RBM47: variants seen among roughly 807,000 people sequenced by gnomAD.
The protein encoded by RBM47 is RNA-binding protein 47.
A neutral mutation model predicts 47.1 loss-of-function variants in RBM47; 21 were observed. The ratio of observed to expected loss-of-function variants is 0.45; its 90% CI spans 0.32 to 0.64. RBM47 has a LOEUF of 0.64. RBM47 is among the 30% of genes least tolerant of loss of function. The pLI is 0.05. For missense variants in RBM47, 708 were observed against 870.9 expected, an observed-to-expected ratio of 0.81 and a Z score of 2.35; for synonymous variants, 375 against 361.7, an observed-to-expected ratio of 1.04 and a Z score of -0.42.
chr4:40,576,763 T>C (rs973322099), intron 1 of RBM47, among the ~76,000 whole-genome samples: 1 of 152,152 alleles, frequency 6.6e-6, no homozygotes, highest in Non-Finnish European at 1.5e-5. Context: ...CTGAGGGTTG[T>C]TTCACTTTCT....
rs374036308 is a variant in RBM47, at chr4:40,528,988, TA to T, written c.-155+15433del. Among the ~76,000 whole-genome samples the T allele has an allele frequency of 6.8e-4, 102 of 149,146 alleles. 2 individuals are homozygous for T. In the South Asian group the frequency reaches 0.021, roughly 31 times the overall value. On this transcript the variant is annotated intron_variant, in intron 2 of 6. Transcript: ENST00000295971. Reference sequence around the variant, plus strand: ...AATAAATAAATAAATAAATAAATAATAAAGAAAGAAATAATAAAACAGGGCC... The same window carrying T: ...AATAAATAAATAAATAAATAAATAATAAGAAAGAAATAATAAAACAGGGCC...
At chr4:40,505,495 A>ATT in intron 2 of RBM47, among the ~76,000 whole-genome samples, 1 of 136,238 alleles carries the variant, frequency 7.3e-6, no homozygotes, top group East Asian at 2.0e-4. Flanking sequence ...AAAAAAGTGT[A>ATT]AAAAAAAAAA....
chr4:40,440,568 G>A (rs553809798), intron 3 of RBM47, among the ~76,000 whole-genome samples: 26 of 152,200 alleles, frequency 1.7e-4, no homozygotes, highest in African/African-American at 6.0e-4. Context: ...AAATAAATCT[G>A]AGCTATTTAT....
intron 2 of RBM47, among the ~76,000 whole-genome samples, chr4:40,535,371 C>CTTTTTTTTTTTTTTTCTTTT (rs1727841206): frequency 9.7e-6 from 1 of 103,460 alleles, no homozygotes; most frequent in African/African-American, 4.3e-5. Context: ...TATGGTATTT[C>CTTTTTTTTTTTTTTTCTTTT]TTTTTTTTTT....
chr4:40,580,807 A>T (rs1332091714), intron 1 of RBM47, among the ~76,000 whole-genome samples: 1 of 152,232 alleles, frequency 6.6e-6, no homozygotes. Flanking sequence ...GAGGTAAATA[A>T]AGCAGAGGAA....
chr4:40,616,874 C>CTTT (rs1300005872), intron 1 of RBM47, among the ~76,000 whole-genome samples: 18,665 of 111,340 alleles, frequency 0.17, 1,938 homozygotes, highest in Non-Finnish European at 0.21. Context: ...ATTTTCTTTT[C>CTTT]TTTTTTTTTT....
chr4:40,505,599 A>C (rs951008521), intron 2 of RBM47, among the ~76,000 whole-genome samples: 7 of 151,606 alleles, frequency 4.6e-5, no homozygotes, highest in African/African-American at 1.7e-4. Flanking sequence ...AAAAACATAT[A>C]TATTTTGGCT....
intron 5 of RBM47, 55 bp from the exon 6 acceptor site, chr4:40,432,917 G>C: frequency 6.4e-7 from 1 of 1,570,882 alleles, no homozygotes; most frequent in African/African-American, 1.4e-5. Flanking sequence ...CGCTGAGTGG[G>C]GTCCAGCACT....
intron 2 of RBM47, among the ~76,000 whole-genome samples, chr4:40,486,410 T>C (rs1721094206): frequency 1.3e-5 from 2 of 152,168 alleles, no homozygotes; most frequent in Non-Finnish European, 2.9e-5. Context: ...CTATGATGAA[T>C]AAACATGAAA....
chr4:40,523,802 C>G (rs7699985), intron 2 of RBM47, among the ~76,000 whole-genome samples: 59,581 of 149,342 alleles, frequency 0.4, 15,660 homozygotes, highest in African/African-American at 0.76. Flanking sequence ...GAGGTTGAAG[C>G]GGCAGTGAGC....
At chr4:40,485,943 C>T (rs370890300) in intron 2 of RBM47, among the ~76,000 whole-genome samples, 8 of 149,838 alleles carry the variant, frequency 5.3e-5, no homozygotes, top group African/African-American at 1.5e-4. Flanking sequence ...TGGTGGCATG[C>T]GCCTGTAGTC....
intron 1 of RBM47, among the ~76,000 whole-genome samples, chr4:40,577,149 A>G (rs778354671): frequency 2.0e-5 from 3 of 152,210 alleles, no homozygotes; most frequent in Admixed American, 1.3e-4. Flanking sequence ...TCATGAACAC[A>G]TGACTGTTCT....
chr4:40,465,357 A>T (rs935857673), intron 3 of RBM47, among the ~76,000 whole-genome samples: 5 of 152,016 alleles, frequency 3.3e-5, no homozygotes, highest in Non-Finnish European at 7.4e-5. Flanking sequence ...CACTCACTAG[A>T]TCCATAGAAA....
chr4:40,558,524 C>CAAAAA (rs1198741417), intron 1 of RBM47, among the ~76,000 whole-genome samples: 2 of 92,640 alleles, frequency 2.2e-5, no homozygotes, highest in South Asian at 4.0e-4. Flanking sequence ...ATTAAAACTA[C>CAAAAA]AAAAAAAAAA....
intron 1 of RBM47, among the ~76,000 whole-genome samples, chr4:40,627,078 C>T (rs1034695067): frequency 6.6e-6 from 1 of 152,080 alleles, no homozygotes; most frequent in Non-Finnish European, 1.5e-5. Context: ...GATATTAAAC[C>T]AGAAAATCAG....
chr4:40,539,718 C>T (rs890170785), intron 2 of RBM47, among the ~76,000 whole-genome samples: 19 of 106,738 alleles, frequency 1.8e-4, no homozygotes, highest in African/African-American at 6.6e-4. Flanking sequence ...CCAGCCTGGG[C>T]GACAGAGCAA....
intron 1 of RBM47, among the ~76,000 whole-genome samples, chr4:40,597,393 TGA>T (rs1734854552): frequency 2.0e-5 from 3 of 152,110 alleles, no homozygotes; most frequent in Admixed American, 1.3e-4. Context: ...ATCAGGAGTG[TGA>T]GACCAGCCTG....
intron 2 of RBM47, among the ~76,000 whole-genome samples, chr4:40,533,077 C>A (rs1361246125): frequency 6.6e-6 from 1 of 152,066 alleles, no homozygotes; most frequent in Non-Finnish European, 1.5e-5. Flanking sequence ...TTTTCAAAGC[C>A]CAATACATCT....
chr4:40,520,407 C>A (rs1395004191), intron 2 of RBM47, among the ~76,000 whole-genome samples: 1 of 152,180 alleles, frequency 6.6e-6, no homozygotes, highest in Non-Finnish European at 1.5e-5. Context: ...TGCAATAGGG[C>A]AGAATAATGT....
Sources: allele counts gnomAD v4.1 joint callset (sites outside exome capture counted in the v4.1 genomes callset), GRCh38; gene constraint gnomAD v4.1.1; transcripts MANE v1.5; gene names NCBI Gene and HGNC (gene_info 2026-07-23, HGNC 2026-07-21).